Variants in SMARCB1 observed in about 807,000 individuals in gnomAD.
SMARCB1 encodes the protein SWI/SNF related BAF chromatin remodeling complex subunit B1.
A neutral mutation model predicts 49.0 loss-of-function variants in SMARCB1; 5 were observed. That is an observed-to-expected ratio of 0.10 (90% CI 0.05 to 0.21). The LOEUF (loss-of-function observed/expected upper bound fraction) is 0.21. Ranked by LOEUF, SMARCB1 falls within the 10% of genes least tolerant of loss-of-function variation. The pLI, the probability that SMARCB1 is intolerant of heterozygous loss-of-function variation, is 1.00. For synonymous variants in SMARCB1, 201 were observed against 200.1 expected (o/e 1.00, Z -0.04); for missense variants, 226 against 509.2 (o/e 0.44, Z 5.35).
chr22:23,811,099 A>G (rs1457345470), intron 5 of SMARCB1, among the ~76,000 whole-genome samples: 1 of 152,148 alleles, frequency 6.6e-6, no homozygotes, highest in African/African-American at 2.4e-5. Context: ...CAGGAGTGAC[A>G]ATGTTAGTAT....
chr22:23,800,026 A>G (rs1340725881), intron 3 of SMARCB1, among the ~76,000 whole-genome samples: 1 of 151,156 alleles, frequency 6.6e-6, no homozygotes, highest in East Asian at 1.9e-4. Flanking sequence ...ACAGGGTTTC[A>G]CCATGTTGGC....
At position 23,789,493 on chromosome 22, in the gene SMARCB1, G is replaced by A. The variant is rs35444055; in HGVS notation, c.93+2231G>A. 1.6e-4 allele frequency among the ~76,000 whole-genome samples: 24 copies of A among 152,326 alleles called. No homozygotes were observed. The East Asian group carries it at 4.6e-3, about 29-fold the overall frequency. On this transcript the variant is annotated intron_variant, in intron 1 of 8. Coordinates refer to ENST00000644036, the MANE Select transcript of SMARCB1 (RefSeq NM_003073.5). ...GCGTGGCCAAGTGGGAAGAACCTTG[G>A]GAGGCCTGGTTCCAGCCCTGCTCTG...
chr22:23,833,177 A>G (rs2030752456), intron 7 of SMARCB1, among the ~76,000 whole-genome samples: 1 of 152,058 alleles, frequency 6.6e-6, no homozygotes, highest in African/African-American at 2.4e-5. Context: ...GGCTCTGGAC[A>G]CTGAGTGGAG....
chr22:23,816,223 A>G (rs1258869919), intron 5 of SMARCB1: 2 of 183,992 alleles, frequency 1.1e-5, no homozygotes, highest in Admixed American at 5.4e-5. Context: ...ATCTGGTACA[A>G]TTCCTTTTCC....
Position 23,835,472 on chromosome 22 carries a change from T to TTAGGGATTGGGG in SMARCB1, c.*1294_*1305dup. ...ATGTGGGGCAGAGGCAGAGCTCTGATTAGGGATTGGGGTTCTTGGTCGCTG... is the reference window on the plus strand; with the variant it reads ...ATGTGGGGCAGAGGCAGAGCTCTGATTAGGGATTGGGGTAGGGATTGGGGTTCTTGGTCGCTG... On this transcript the variant is annotated 3_prime_UTR_variant, in exon 9 of 9. Coordinates refer to ENST00000644036, the MANE Select transcript of SMARCB1 (RefSeq NM_003073.5). 2 of 985,794 alleles carry TTAGGGATTGGGG rather than the reference T, an allele frequency of 2.0e-6. No individual in the cohort carries two copies. Among genetic ancestry groups the TTAGGGATTGGGG allele is most frequent in the South Asian group, 9.4e-5 (2 of 21,294 alleles). The allele number at this position is 985,794 out of a possible 1,614,324, so 61.1% of individuals were successfully genotyped here.
In SMARCB1 at chr22:23,825,475, ACTT is replaced by A. The variant is rs919036744; in HGVS notation, c.986+63_986+65del. On this transcript the variant is annotated intron_variant, in intron 7 of 8. Transcript: ENST00000644036. ...TCCCTGCAAAACTGTTTTGAGAAAG[ACTT>A]CTCTGTGTGAGCGGTGATACCTTTG... 102 of 1,467,982 alleles carry A rather than the reference ACTT, an allele frequency of 6.9e-5. 1 individual carries two copies. The South Asian group carries it at 1.0e-3, about 15-fold the overall frequency. The allele number at this position is 1,467,982 out of a possible 1,614,324, so 90.9% of individuals were successfully genotyped here.
In SMARCB1 at chr22:23,833,377, C is replaced by A. The variant is rs2030768346; in HGVS notation, c.987-195C>A. On this transcript the variant is annotated intron_variant, in intron 7 of 8. Transcript: ENST00000644036. Reference sequence around the variant, plus strand: ...CACTTTGAAGGGAAGCCCATGGGGTCATGGCGACAACACTTGTTATGGAAA... The same window carrying A: ...CACTTTGAAGGGAAGCCCATGGGGTAATGGCGACAACACTTGTTATGGAAA... 2.0e-5 allele frequency among the ~76,000 whole-genome samples: 3 copies of A among 152,316 alleles called. No homozygotes were observed. In the South Asian group the frequency reaches 6.2e-4, roughly 32 times the overall value.
intron 5 of SMARCB1, among the ~76,000 whole-genome samples, chr22:23,806,810 C>A (rs1160234057): frequency 6.6e-6 from 1 of 151,456 alleles, no homozygotes; most frequent in East Asian, 1.9e-4. Context: ...GTCCCAGCAA[C>A]CTGGGAGGCC....
chr22:23,792,337 G>A, intron 2 of SMARCB1: 1 of 337,514 alleles, frequency 3.0e-6, no homozygotes, highest in Non-Finnish European at 5.8e-6. Flanking sequence ...CTTCATCCTG[G>A]CAGCCAGTGT....
At chr22:23,817,241 G>A (rs1008727592) in intron 6 of SMARCB1, 2 of 518,408 alleles carry the variant, frequency 3.9e-6, no homozygotes, top group South Asian at 4.7e-5. Flanking sequence ...CAGGCTGAGT[G>A]CTCCAGGGGG....
rs773080554 is a variant in SMARCB1, at chr22:23,837,898, C to T, written c.*3718C>T. The T allele has an allele frequency of 7.7e-6, 12 of 1,565,422 alleles. No individual in the cohort carries two copies. The East Asian group carries it at 2.5e-4, about 33-fold the overall frequency. On this transcript the variant is annotated 3_prime_UTR_variant, in exon 9 of 9. Transcript: ENST00000644036. ...GCTCCGGTGCAGGCCTCAGCCCAAG[C>T]CCAGGGCCCCTCTGACTTCCCAAGA...
At chr22:23,834,032 C>T (rs2030823643) in intron 8 of SMARCB1, 109 bp from the exon 9 acceptor site, 1 of 1,217,610 alleles carries the variant, frequency 8.2e-7, no homozygotes, top group South Asian at 1.3e-5. Flanking sequence ...GGCCCACATC[C>T]TGCCTCTGTT....
chr22:23,830,279 G>A (rs1035827206), intron 7 of SMARCB1, among the ~76,000 whole-genome samples: 2 of 152,178 alleles, frequency 1.3e-5, no homozygotes, highest in East Asian at 1.9e-4. Context: ...CACCAGAAGC[G>A]TGCGATTCCC....
intron 3 of SMARCB1, among the ~76,000 whole-genome samples, chr22:23,799,004 G>T (rs1928950880): frequency 6.6e-6 from 1 of 151,302 alleles, no homozygotes; most frequent in Non-Finnish European, 1.5e-5. Context: ...GAGCCCAGAT[G>T]GCGCCACTGT....
chr22:23,824,853 C>T, intron 6 of SMARCB1: 1 of 352,352 alleles, frequency 2.8e-6, no homozygotes, highest in Non-Finnish European at 5.4e-6. Flanking sequence ...CTTAGCTGAG[C>T]CCTGCCTTTC....
At chr22:23,791,974 G>C in intron 2 of SMARCB1, 80 bp downstream of exon 2, 1 of 1,474,504 alleles carries the variant, frequency 6.8e-7, no homozygotes, top group Non-Finnish European at 9.4e-7. Flanking sequence ...TCACTCCAGA[G>C]TGTCTTCACT....
intron 7 of SMARCB1, among the ~76,000 whole-genome samples, chr22:23,831,328 A>G (rs2030646858): frequency 6.6e-6 from 1 of 152,232 alleles, no homozygotes; most frequent in South Asian, 2.1e-4. Flanking sequence ...CTCGACCGGC[A>G]TCAGTCCTGG....
chr22:23,814,076 T>A (rs1930036333), intron 5 of SMARCB1, among the ~76,000 whole-genome samples: 1 of 152,098 alleles, frequency 6.6e-6, no homozygotes, highest in Admixed American at 6.5e-5. Flanking sequence ...GCAGTCCGCC[T>A]GTCTCAGCCT....
intron 6 of SMARCB1, 72 bp downstream of exon 6, chr22:23,817,008 G>T: frequency 8.0e-7 from 1 of 1,244,328 alleles, no homozygotes. Flanking sequence ...AGCACTGAGG[G>T]TACACCAAGG....
Sources: gnomAD v4.1 joint callset for allele counts (sites outside exome capture counted in the v4.1 genomes callset) on GRCh38, gnomAD v4.1.1 for gene constraint, MANE v1.5 for transcripts, NCBI Gene and HGNC (gene_info 2026-07-23, HGNC 2026-07-21) for gene names.